Variants in RPSA2 observed in about 807,000 individuals in gnomAD.
RPSA2 encodes ribosomal protein SA 2, also known as small ribosomal subunit protein uS2B.
the RPSA2 span, among the ~76,000 whole-genome samples, chr19:23,788,934 A>G: frequency 6.6e-6 from 1 of 150,848 alleles, no homozygotes; most frequent in African/African-American, 2.4e-5. Flanking sequence ...GGTGTTGCTC[A>G]CTGAGAGCTT....
At chr19:23,856,144 G>C in the RPSA2 span, among the ~76,000 whole-genome samples, 2 of 152,246 alleles carry the variant, frequency 1.3e-5, no homozygotes, top group East Asian at 3.9e-4. Flanking sequence ...AAGAGGTAGA[G>C]AGAGGGTTGC....
At chr19:23,771,343 A>G in the RPSA2 span, among the ~76,000 whole-genome samples, 13 of 152,236 alleles carry the variant, frequency 8.5e-5, 1 homozygote, top group African/African-American at 3.1e-4. Flanking sequence ...TGTTGACTTC[A>G]ATAAATGACA....
At chr19:23,822,254 G>A in the RPSA2 span, among the ~76,000 whole-genome samples, 2 of 152,272 alleles carry the variant, frequency 1.3e-5, no homozygotes, top group Admixed American at 6.5e-5. Context: ...GCTGGGTTGC[G>A]TCATTTGGGT....
chr19:23,860,113 C>T, the RPSA2 span, among the ~76,000 whole-genome samples: 2 of 152,106 alleles, frequency 1.3e-5, no homozygotes, highest in Admixed American at 1.3e-4. Context: ...TACCAGTGTT[C>T]TCTCTGAAAA....
chr19:23,856,451 T>G, the RPSA2 span, among the ~76,000 whole-genome samples: 1 of 152,120 alleles, frequency 6.6e-6, no homozygotes. Context: ...GCATAATGTT[T>G]AGACTCTGTG....
At chr19:23,827,001 A>G in the RPSA2 span, 4 of 634,212 alleles carry the variant, frequency 6.3e-6, no homozygotes, top group Non-Finnish European at 1.1e-5. Context: ...GAATTTTTAT[A>G]TTTCAAATTA....
the RPSA2 span, chr19:23,832,310 G>A: frequency 2.1e-6 from 1 of 469,646 alleles, no homozygotes; most frequent in Non-Finnish European, 4.3e-6. Flanking sequence ...CATTACAAGT[G>A]TGAAGAAAGT....
chr19:23,805,983 T>C, the RPSA2 span, among the ~76,000 whole-genome samples: 2 of 151,770 alleles, frequency 1.3e-5, no homozygotes, highest in African/African-American at 4.9e-5. Flanking sequence ...TGGATAGGTG[T>C]GGATTATCTA....
the RPSA2 span, among the ~76,000 whole-genome samples, chr19:23,863,126 G>A: frequency 1.1e-4 from 16 of 152,232 alleles, no homozygotes; most frequent in Admixed American, 3.3e-4. Context: ...CAGGTCTAGC[G>A]CAGGTAGAAG....
At chr19:23,871,094 AG>A in the RPSA2 span, among the ~76,000 whole-genome samples, 2 of 152,166 alleles carry the variant, frequency 1.3e-5, no homozygotes, top group Non-Finnish European at 2.9e-5. Context: ...ATAAATATAA[AG>A]GGCTCTAGAA....
At chr19:23,850,137 G>T in the RPSA2 span, among the ~76,000 whole-genome samples, 1 of 151,362 alleles carries the variant, frequency 6.6e-6, no homozygotes, top group Non-Finnish European at 1.5e-5. Flanking sequence ...GTCATCTCTA[G>T]CTCCAGGCAT....
At chr19:23,799,678 C>G in the RPSA2 span, among the ~76,000 whole-genome samples, 63,466 of 65,470 alleles carry the variant, frequency 0.97, 31,006 homozygotes, top group Middle Eastern at 1. Flanking sequence ...GAGAGAGGTA[C>G]TGCTTTAAAA....
chr19:23,787,040 C>A, the RPSA2 span, among the ~76,000 whole-genome samples: 1 of 152,140 alleles, frequency 6.6e-6, no homozygotes, highest in African/African-American at 2.4e-5. Flanking sequence ...GGCCCAGCAT[C>A]CAGGTGATGT....
chr19:23,837,172 A>C, the RPSA2 span, among the ~76,000 whole-genome samples: 1 of 151,964 alleles, frequency 6.6e-6, no homozygotes, highest in Non-Finnish European at 1.5e-5. Flanking sequence ...AAGATGGGAC[A>C]TGAGGATCCA....
the RPSA2 span, among the ~76,000 whole-genome samples, chr19:23,790,242 C>T: frequency 6.6e-6 from 1 of 152,160 alleles, no homozygotes; most frequent in African/African-American, 2.4e-5. Flanking sequence ...CGTGATCCAC[C>T]CGCCTAGGCT....
At chr19:23,845,557 T>C in the RPSA2 span, among the ~76,000 whole-genome samples, 1 of 152,364 alleles carries the variant, frequency 6.6e-6, no homozygotes, top group Non-Finnish European at 1.5e-5. Flanking sequence ...AGTGGAACAA[T>C]CTTGGCTCAC....
chr19:23,857,203 AAC>A, the RPSA2 span, among the ~76,000 whole-genome samples: 1 of 152,214 alleles, frequency 6.6e-6, no homozygotes, highest in African/African-American at 2.4e-5. Flanking sequence ...ATATTGTTCA[AAC>A]ACACGTTTTA....
the RPSA2 span, among the ~76,000 whole-genome samples, chr19:23,779,561 C>T: frequency 1.3e-5 from 2 of 152,200 alleles, no homozygotes; most frequent in Non-Finnish European, 2.9e-5. Context: ...GATATGACTC[C>T]TCCCTGAACC....
At chr19:23,840,115 CAAAT>C in the RPSA2 span, among the ~76,000 whole-genome samples, 2 of 152,206 alleles carry the variant, frequency 1.3e-5, no homozygotes, top group Admixed American at 1.3e-4. Flanking sequence ...GGTTGATTCT[CAAAT>C]GAATGTGTCC....
Sources: gnomAD v4.1 joint callset for allele counts (sites outside exome capture counted in the v4.1 genomes callset) on GRCh38, gnomAD v4.1.1 for gene constraint, MANE v1.5 for transcripts, NCBI Gene and HGNC (gene_info 2026-07-23, HGNC 2026-07-21) for gene names.